Variants in MROH7 observed in about 807,000 individuals in gnomAD.
The protein encoded by MROH7 is maestro heat like repeat family member 7.
Under a neutral mutation model 129.2 loss-of-function variants are expected in MROH7, and 113 were observed. The observed-to-expected ratio is 0.87, with a 90% CI of 0.75 to 1.02. The LOEUF is 1.02. Ranked by LOEUF, MROH7 falls within the 50% of genes least tolerant of loss-of-function variation. The probability of loss-of-function intolerance (pLI) is 0.00; values close to 1 mark genes in which losing one functional copy is unlikely to be tolerated. For missense variants in MROH7, 1,601 were observed against 1,671.3 expected (o/e 0.96, Z 0.73); for synonymous variants, 655 against 667.9 (o/e 0.98, Z 0.30).
At chr1:54,680,087 T>C in intron 13 of MROH7, 42 bp downstream of exon 13, 1 of 1,593,498 alleles carries the variant, frequency 6.3e-7, no homozygotes, top group South Asian at 1.1e-5. Context: ...TCTTACAGGG[T>C]TCAAGCAGCC....
chr1:54,660,515 TA>T (rs1035244002), intron 3 of MROH7, among the ~76,000 whole-genome samples: 1 of 152,084 alleles, frequency 6.6e-6, no homozygotes, highest in Non-Finnish European at 1.5e-5. Flanking sequence ...TGTTATCAGT[TA>T]AAAAAATTGT....
rs78145309 is a variant in MROH7 at position 54,691,201 on chromosome 1, C to A, written c.2712-1223C>A. On this transcript the variant is annotated intron_variant, in intron 15 of 23. Coordinates refer to ENST00000421030, the MANE Select transcript of MROH7 (RefSeq NM_001039464.4). Reference sequence around the variant, plus strand: ...TAGAGGCATTGCCAGTAGGGACTATCATTGATGGCACACATTTCAAAGAAT... The same window carrying A: ...TAGAGGCATTGCCAGTAGGGACTATAATTGATGGCACACATTTCAAAGAAT... 5.2e-3 allele frequency among the ~76,000 whole-genome samples: 788 copies of A among 152,284 alleles called. 6 individuals are homozygous for A. The highest frequency in any genetic ancestry group is 0.018 in the African/African-American group (736 of 41,548).
chr1:54,682,632 T>C (rs1382299888), intron 13 of MROH7, 24 bp from the exon 14 acceptor site: 3 of 1,603,138 alleles, frequency 1.9e-6, no homozygotes, highest in East Asian at 2.3e-5. Context: ...CCACCACTAA[T>C]TGCCCACATC....
In MROH7 at chr1:54,700,045, G is replaced by T. The variant is rs1202648642; in HGVS notation, c.2965-276G>T. On this transcript the variant is annotated intron_variant, in intron 17 of 23. Coordinates refer to ENST00000421030, the MANE Select transcript of MROH7 (RefSeq NM_001039464.4). ...CTGGTGGTGAGGGTGTGGGCTGGAG[G>T]GTGGGCACGCTGCTGTTAATGAGGC... 19 of 660,630 alleles carry T rather than the reference G, an allele frequency of 2.9e-5. No individual in the cohort carries two copies. In the African/African-American group the frequency reaches 3.0e-4, roughly 11 times the overall value. The allele number at this position is 660,630 out of a possible 1,614,324, so 40.9% of individuals were successfully genotyped here.
At position 54,709,884 on chromosome 1, in the gene MROH7, G is replaced by A. The variant is rs1299521032; in HGVS notation, c.3731-62G>A. On this transcript the variant is annotated intron_variant, in intron 23 of 23. Transcript: ENST00000421030. ...AAGGCATGGAGATGGGAAGGATTAG[G>A]TATGAGACCCACATAGGGCCCTGGG... is the stretch of plus-strand genomic sequence containing the variant. 6.4e-6 allele frequency: 10 copies of A among 1,573,498 alleles called. No individual in the cohort carries two copies. The East Asian group carries it at 1.8e-4, about 29-fold the overall frequency.
chr1:54,675,552 G>T (rs1249958833), intron 10 of MROH7, among the ~76,000 whole-genome samples: 2 of 151,740 alleles, frequency 1.3e-5, no homozygotes, highest in African/African-American at 2.4e-5. Flanking sequence ...ACCAGCTTTA[G>T]GGGTAGGAGT....
At chr1:54,702,852 C>T in intron 21 of MROH7, 107 bp downstream of exon 21, 10 of 1,359,140 alleles carry the variant, frequency 7.4e-6, no homozygotes, top group South Asian at 4.4e-5. Flanking sequence ...TTTCCATGAC[C>T]AACTACAAGT....
At chr1:54,676,473 G>C (rs144901910) in intron 10 of MROH7, among the ~76,000 whole-genome samples, 1 of 152,080 alleles carries the variant, frequency 6.6e-6, no homozygotes, top group Non-Finnish European at 1.5e-5. Context: ...GCAGTGGCAC[G>C]ATCTTGGCTC....
chr1:54,656,812 AAAAT>A (rs963127556), intron 3 of MROH7, among the ~76,000 whole-genome samples: 1 of 152,004 alleles, frequency 6.6e-6, no homozygotes, highest in Non-Finnish European at 1.5e-5. Flanking sequence ...CTCTGTCTCA[AAAAT>A]AAATAAATAA....
At chr1:54,687,018 G>C (rs1235590235) in intron 15 of MROH7, among the ~76,000 whole-genome samples, 1 of 151,912 alleles carries the variant, frequency 6.6e-6, no homozygotes, top group Non-Finnish European at 1.5e-5. Flanking sequence ...CTATATCTTA[G>C]AGACCATTGT....
At position 54,686,456 on chromosome 1, in the gene MROH7, CTGCCCT is replaced by C; in HGVS notation, c.2711+9_2711+14del. Reference sequence around the variant, plus strand: ...TCCCTTCGTACCTGTGCGGTATGCTCTGCCCTCTCTCTTGACCCTGCTGTCCCCGGT... The same window carrying C: ...TCCCTTCGTACCTGTGCGGTATGCTCCTCTCTTGACCCTGCTGTCCCCGGT... On this transcript the variant is annotated intron_variant, in intron 15 of 23. Coordinates refer to ENST00000421030, the MANE Select transcript of MROH7 (RefSeq NM_001039464.4). 2 of 1,612,878 alleles carry C rather than the reference CTGCCCT, an allele frequency of 1.2e-6. No homozygotes were observed. Among genetic ancestry groups the C allele is most frequent in the Non-Finnish European group, 8.5e-7 (1 of 1,179,472 alleles).
At chr1:54,676,772 G>A (rs796336650) in intron 10 of MROH7, among the ~76,000 whole-genome samples, 29 of 150,196 alleles carry the variant, frequency 1.9e-4, no homozygotes, top group African/African-American at 6.4e-4. Flanking sequence ...GCAGTGGTGC[G>A]ATCTCAGCTC....
intron 14 of MROH7, among the ~76,000 whole-genome samples, chr1:54,683,449 C>T (rs1004331711): frequency 6.6e-6 from 1 of 152,218 alleles, no homozygotes; most frequent in African/African-American, 2.4e-5. Flanking sequence ...TCTCTATCAC[C>T]ACCCTGGTCC....
chr1:54,679,202 C>T (rs1416033697), intron 11 of MROH7, 61 bp from the exon 12 acceptor site: 1 of 1,568,122 alleles, frequency 6.4e-7, no homozygotes, highest in African/African-American at 1.4e-5. Context: ...GTGCACAAAG[C>T]TCGAAGCTCA....
chr1:54,665,976 A>C (rs75070110), intron 4 of MROH7, among the ~76,000 whole-genome samples: 3,072 of 152,314 alleles, frequency 0.02, 35 homozygotes, highest in South Asian at 0.038. Flanking sequence ...GCGTCCTTCT[A>C]GTTGTCCACT....
At chr1:54,671,122 T>A (rs1644895378) in intron 7 of MROH7, among the ~76,000 whole-genome samples, 193 bp downstream of exon 7, 1 of 152,014 alleles carries the variant, frequency 6.6e-6, no homozygotes, top group Non-Finnish European at 1.5e-5. Flanking sequence ...GCGCGGTGGC[T>A]CACACCTGTA....
Position 54,695,439 on chromosome 1 carries a change from G to C in MROH7, c.2913G>C (p.Leu971=). The C allele has an allele frequency of 6.2e-7, 1 of 1,613,916 alleles. No individual in the cohort carries two copies. The part of the protein sequence containing the change: ...CRILYLLIPL[L]ERGDEKHRIT... ...TCCTCTACCTGCTCATCCCGCTCCTGGAGCGAGGCGACGAGAAGCACAGGA... is the reference window on the plus strand; with the variant it reads ...TCCTCTACCTGCTCATCCCGCTCCTCGAGCGAGGCGACGAGAAGCACAGGA... The change falls in exon 17 of 24, where the codon CTG becomes CTC. Residue 971 remains leucine, a synonymous_variant. Coordinates refer to ENST00000421030, the MANE Select transcript of MROH7 (RefSeq NM_001039464.4).
At chr1:54,690,529 C>T (rs920161328) in intron 15 of MROH7, among the ~76,000 whole-genome samples, 21 of 151,346 alleles carry the variant, frequency 1.4e-4, no homozygotes, top group South Asian at 4.2e-4. Context: ...CTGCAAACTC[C>T]GCCTCCCGGG....
intron 4 of MROH7, 126 bp downstream of exon 4, chr1:54,665,366 C>A: frequency 3.1e-6 from 2 of 642,182 alleles, no homozygotes; most frequent in South Asian, 2.0e-5. Context: ...TTCTCCATAA[C>A]ATTCATTGCC....
Sources: allele counts gnomAD v4.1 joint callset (sites outside exome capture counted in the v4.1 genomes callset), GRCh38; gene constraint gnomAD v4.1.1; transcripts MANE v1.5; gene names NCBI Gene and HGNC (gene_info 2026-07-23, HGNC 2026-07-21).